Variants in CAST observed in about 807,000 individuals in gnomAD.
CAST encodes MIR583 host.
In CAST, 76 loss-of-function variants were observed where a neutral mutation model predicts 119.6. The ratio of observed to expected loss-of-function variants is 0.64; its 90% CI spans 0.53 to 0.77. The LOEUF is 0.77. Among genes scored for constraint, CAST ranks in the 30% least tolerant of loss-of-function variants. CAST has a pLI of 0.00. For synonymous variants in CAST, 319 were observed against 331.6 expected (o/e 0.96, Z 0.41); for missense variants, 953 against 946.5 (o/e 1.01, Z -0.09).
chr5:96,701,360 G>A (rs996739745), intron 3 of CAST, among the ~76,000 whole-genome samples: 4 of 152,240 alleles, frequency 2.6e-5, no homozygotes, highest in Admixed American at 6.5e-5. Context: ...CCTATGGGGT[G>A]TGGCCCAAAT....
intron 1 of CAST, among the ~76,000 whole-genome samples, chr5:96,609,256 T>C (rs1352746243): frequency 6.6e-6 from 1 of 152,240 alleles, no homozygotes; most frequent in Non-Finnish European, 1.5e-5. Flanking sequence ...ATAAATATCA[T>C]TTTCTTTTAG....
chr5:96,025,773 A>T, the CAST span, among the ~76,000 whole-genome samples: 1 of 152,238 alleles, frequency 6.6e-6, no homozygotes, highest in Non-Finnish European at 1.5e-5. Flanking sequence ...GTGAAGTTAC[A>T]ACTGAGCTGA....
At chr5:96,200,663 G>A in the CAST span, among the ~76,000 whole-genome samples, 2 of 152,050 alleles carry the variant, frequency 1.3e-5, no homozygotes, top group Non-Finnish European at 2.9e-5. Context: ...TGTTGATCAA[G>A]GATGCTCAAC....
chr5:96,510,981 CCT>C, the CAST span, among the ~76,000 whole-genome samples: 3 of 151,758 alleles, frequency 2.0e-5, no homozygotes, highest in Admixed American at 2.0e-4. Flanking sequence ...TAAAACTGTC[CCT>C]CTCTCCTCTC....
chr5:96,235,351 T>C, the CAST span, among the ~76,000 whole-genome samples: 5 of 152,228 alleles, frequency 3.3e-5, no homozygotes, highest in African/African-American at 1.2e-4. Flanking sequence ...GAGTATCAGC[T>C]ATATAACAAC....
the CAST span, among the ~76,000 whole-genome samples, chr5:96,506,935 A>G: frequency 1.3e-5 from 2 of 152,180 alleles, no homozygotes; most frequent in Non-Finnish European, 2.9e-5. Context: ...CCAGGAGCCA[A>G]ACTCCTAAAG....
chr5:96,511,887 A>C, the CAST span, among the ~76,000 whole-genome samples: 139 of 152,318 alleles, frequency 9.1e-4, no homozygotes, highest in African/African-American at 3.1e-3. Flanking sequence ...AGTCCTTCAC[A>C]TCCAACCTCT....
At chr5:96,608,721 C>T (rs532120400) in intron 1 of CAST, among the ~76,000 whole-genome samples, 1 of 152,232 alleles carries the variant, frequency 6.6e-6, no homozygotes, top group African/African-American at 2.4e-5. Context: ...TTAATTGGCT[C>T]ATGGTTCTGC....
At chr5:96,362,007 C>T in the CAST span, among the ~76,000 whole-genome samples, 13 of 151,928 alleles carry the variant, frequency 8.6e-5, no homozygotes, top group African/African-American at 2.7e-4. Flanking sequence ...CGACAGGCCC[C>T]GGTGTGTGAT....
At chr5:96,772,231 T>G (rs932722232) in intron 31 of CAST, 10 of 153,682 alleles carry the variant, frequency 6.5e-5, no homozygotes, top group African/African-American at 2.2e-4. Context: ...TGATTCTAAT[T>G]TATAATTGCT....
At chr5:96,168,847 A>G in the CAST span, among the ~76,000 whole-genome samples, 1 of 152,198 alleles carries the variant, frequency 6.6e-6, no homozygotes, top group South Asian at 2.1e-4. Context: ...CTGGGAAGCA[A>G]AAAGTATATG....
chr5:96,728,483 T>C (rs1299297242), intron 6 of CAST: 1 of 152,098 alleles, frequency 6.6e-6, no homozygotes, highest in African/African-American at 2.4e-5. Context: ...GTTTTTTTTT[T>C]TTTTTGCTTT....
chr5:95,997,805 C>T, the CAST span, among the ~76,000 whole-genome samples: 1 of 152,022 alleles, frequency 6.6e-6, no homozygotes, highest in Non-Finnish European at 1.5e-5. Context: ...TCTTTCTCTT[C>T]TGCCAAACTG....
chr5:96,618,659 G>A (rs753812544), intron 1 of CAST, among the ~76,000 whole-genome samples: 18 of 151,502 alleles, frequency 1.2e-4, no homozygotes, highest in African/African-American at 3.4e-4. Flanking sequence ...CAGCAGCTGT[G>A]GAGGGTGCGC....
intron 7 of CAST, 70 bp from the exon 8 acceptor site, chr5:96,729,542 T>G: frequency 1.4e-6 from 1 of 734,334 alleles, no homozygotes. Flanking sequence ...GTATCAGTAT[T>G]ATGTTTAAGA....
the CAST span, among the ~76,000 whole-genome samples, chr5:96,105,391 T>C: frequency 6.6e-6 from 1 of 152,228 alleles, no homozygotes; most frequent in Admixed American, 6.5e-5. Context: ...ATAGCTCTTA[T>C]TATTTTGAAA....
chr5:96,701,712 G>A (rs1753912087), intron 3 of CAST, among the ~76,000 whole-genome samples: 1 of 151,772 alleles, frequency 6.6e-6, no homozygotes, highest in Non-Finnish European at 1.5e-5. Context: ...AGCTGAGGCA[G>A]GAGTATTGCT....
At chr5:96,241,398 A>G in the CAST span, among the ~76,000 whole-genome samples, 1 of 149,960 alleles carries the variant, frequency 6.7e-6, no homozygotes, top group Non-Finnish European at 1.5e-5. Flanking sequence ...GAACTCATCA[A>G]TTTTTTATGG....
chr5:96,406,601 C>T, the CAST span, among the ~76,000 whole-genome samples: 9 of 152,318 alleles, frequency 5.9e-5, no homozygotes, highest in African/African-American at 2.2e-4. Flanking sequence ...TAGGAAGCCC[C>T]AGGGATCCTA....
Sources: allele counts gnomAD v4.1 joint callset (sites outside exome capture counted in the v4.1 genomes callset), GRCh38; gene constraint gnomAD v4.1.1; transcripts MANE v1.5; gene names NCBI Gene and HGNC (gene_info 2026-07-23, HGNC 2026-07-21).